Variants in PRKG1 observed in about 807,000 individuals in gnomAD.
PRKG1 encodes the protein cGMP-dependent protein kinase 1.
A neutral mutation model predicts 88.1 loss-of-function variants in PRKG1; 35 were observed. The ratio of observed to expected loss-of-function variants is 0.40; its 90% confidence interval spans 0.30 to 0.53. PRKG1 has a LOEUF of 0.53. PRKG1 is among the 20% of genes least tolerant of loss of function. The pLI is 0.59. For missense variants in PRKG1, 540 were observed against 839.8 expected (o/e 0.64, Z 4.41); for synonymous variants, 303 against 292.5 (o/e 1.04, Z -0.37).
chr10:52,243,348 T>G (rs2132382978), intron 9 of PRKG1, among the ~76,000 whole-genome samples: 2 of 152,304 alleles, frequency 1.3e-5, no homozygotes, highest in Middle Eastern at 3.4e-3. Context: ...TAAAAATTAT[T>G]ATAGCCCAGA....
At chr10:51,377,103 A>G (rs1325623942) in intron 2 of PRKG1, among the ~76,000 whole-genome samples, 1 of 152,158 alleles carries the variant, frequency 6.6e-6, no homozygotes, top group Non-Finnish European at 1.5e-5. Flanking sequence ...AAAACACAGT[A>G]TTTATCCCTT....
At chr10:51,783,786 T>C (rs538060394) in intron 3 of PRKG1, among the ~76,000 whole-genome samples, 1 of 152,216 alleles carries the variant, frequency 6.6e-6, no homozygotes, top group South Asian at 2.1e-4. Flanking sequence ...CAGCACAATA[T>C]TTGAATATTA....
At chr10:51,257,417 C>T (rs11814655) in intron 2 of PRKG1, among the ~76,000 whole-genome samples, 398 of 152,074 alleles carry the variant, frequency 2.6e-3, no homozygotes, top group African/African-American at 8.7e-3. Context: ...ACATATTTAT[C>T]GAATGAAAAC....
At chr10:51,289,187 C>T (rs1840519135) in intron 2 of PRKG1, among the ~76,000 whole-genome samples, 1 of 152,132 alleles carries the variant, frequency 6.6e-6, no homozygotes, top group African/African-American at 2.4e-5. Context: ...TCCAGGCAGC[C>T]AACTTTGCCA....
At chr10:51,942,148 C>T (rs1256688410) in intron 5 of PRKG1, among the ~76,000 whole-genome samples, 1 of 151,880 alleles carries the variant, frequency 6.6e-6, no homozygotes, top group African/African-American at 2.4e-5. Flanking sequence ...GCCATTCTAA[C>T]TGGTGTGAGA....
intron 3 of PRKG1, among the ~76,000 whole-genome samples, chr10:51,561,953 T>C (rs941755053): frequency 6.6e-6 from 1 of 152,106 alleles, no homozygotes; most frequent in African/African-American, 2.4e-5. Flanking sequence ...CTGGGCACAG[T>C]GACTCATGCC....
intron 3 of PRKG1, among the ~76,000 whole-genome samples, chr10:51,620,457 G>A (rs1161504364): frequency 4.0e-5 from 6 of 151,796 alleles, no homozygotes; most frequent in Non-Finnish European, 8.8e-5. Flanking sequence ...CTCATTTTTG[G>A]TACAGTCCTA....
intron 3 of PRKG1, among the ~76,000 whole-genome samples, chr10:51,483,920 G>A (rs568936913): frequency 6.6e-6 from 1 of 152,106 alleles, no homozygotes; most frequent in Non-Finnish European, 1.5e-5. Context: ...TTGACAGTTA[G>A]CTAATTTAGA....
chr10:51,288,107 CTT>C (rs1241997968), intron 2 of PRKG1, among the ~76,000 whole-genome samples: 355 of 91,548 alleles, frequency 3.9e-3, no homozygotes, highest in African/African-American at 0.031. Flanking sequence ...GGATTTTTTT[CTT>C]CCTATTTTTT....
intron 3 of PRKG1, among the ~76,000 whole-genome samples, chr10:51,676,422 A>G (rs1354682065): frequency 2.7e-5 from 4 of 150,052 alleles, no homozygotes; most frequent in Non-Finnish European, 4.4e-5. Context: ...CATTTAAACC[A>G]TTATATATTA....
intron 7 of PRKG1, among the ~76,000 whole-genome samples, chr10:52,125,114 C>A (rs1283108254): frequency 6.6e-6 from 1 of 152,076 alleles, no homozygotes; most frequent in Non-Finnish European, 1.5e-5. Flanking sequence ...GTAACACAGT[C>A]ATTTATTATC....
intron 10 of PRKG1, among the ~76,000 whole-genome samples, chr10:52,266,760 T>C (rs1195317362): frequency 6.6e-6 from 1 of 151,762 alleles, no homozygotes; most frequent in Non-Finnish European, 1.5e-5. Context: ...TTGAGTAATT[T>C]GTCCAAGAGA....
At chr10:51,251,306 A>C (rs1220680498) in intron 2 of PRKG1, among the ~76,000 whole-genome samples, 1 of 151,712 alleles carries the variant, frequency 6.6e-6, no homozygotes, top group African/African-American at 2.4e-5. Context: ...GAAGTTGTAA[A>C]TTTCTCTTTC....
chr10:51,442,880 C>T (rs138074959), intron 2 of PRKG1, among the ~76,000 whole-genome samples: 95 of 152,078 alleles, frequency 6.2e-4, no homozygotes, highest in African/African-American at 2.2e-3. Flanking sequence ...TACCTGGATT[C>T]GGGTGTTTCT....
chr10:51,779,892 C>T (rs1014394024), intron 3 of PRKG1, among the ~76,000 whole-genome samples: 4 of 152,216 alleles, frequency 2.6e-5, no homozygotes, highest in Admixed American at 1.3e-4. Flanking sequence ...TTATGTTGCT[C>T]AATGTCCATG....
At chr10:52,007,328 G>T (rs1844762859) in intron 5 of PRKG1, among the ~76,000 whole-genome samples, 1 of 152,172 alleles carries the variant, frequency 6.6e-6, no homozygotes, top group African/African-American at 2.4e-5. Flanking sequence ...AAGGCACAGA[G>T]TGGCAAGGTG....
intron 3 of PRKG1, among the ~76,000 whole-genome samples, chr10:51,694,464 T>C (rs945492172): frequency 6.6e-6 from 1 of 152,244 alleles, no homozygotes; most frequent in African/African-American, 2.4e-5. Context: ...GGGATTCACA[T>C]TGGCTTATAT....
chr10:51,815,086 C>G (rs1361428505), intron 4 of PRKG1, among the ~76,000 whole-genome samples: 1 of 152,154 alleles, frequency 6.6e-6, no homozygotes, highest in Non-Finnish European at 1.5e-5. Flanking sequence ...GGATCAGTCT[C>G]TTTAAGGACT....
chr10:51,825,439 A>G (rs1323520632), intron 4 of PRKG1, among the ~76,000 whole-genome samples: 1 of 152,176 alleles, frequency 6.6e-6, no homozygotes, highest in Non-Finnish European at 1.5e-5. Flanking sequence ...GGTGTTCCAA[A>G]TGGACAGAAA....
Sources: gnomAD v4.1 joint callset for allele counts (sites outside exome capture counted in the v4.1 genomes callset) on GRCh38, gnomAD v4.1.1 for gene constraint, MANE v1.5 for transcripts, NCBI Gene and HGNC (gene_info 2026-07-23, HGNC 2026-07-21) for gene names.